ADAMTS13: variants seen among roughly 807,000 people sequenced by gnomAD.
ADAMTS13 encodes the protein ADAM metallopeptidase with thrombospondin type 1 motif 13.
In ADAMTS13, 110 loss-of-function variants were observed where a neutral mutation model predicts 155.1. The observed-to-expected ratio is 0.71, with a 90% CI of 0.61 to 0.83. The LOEUF (loss-of-function observed/expected upper bound fraction) is 0.83. ADAMTS13 is among the 40% of genes least tolerant of loss of function. ADAMTS13 has a pLI of 0.00. For missense variants in ADAMTS13, 1,707 were observed against 1,891.7 expected (o/e 0.90, Z 1.81); for synonymous variants, 758 against 756.4 (o/e 1.00, Z -0.03).
At chr9:133,414,876 C>G (rs1554781214) in intron 1 of ADAMTS13, 2 of 1,614,140 alleles carry the variant, frequency 1.2e-6, no homozygotes, top group Non-Finnish European at 1.7e-6. Context: ...TCTTTTCCTG[C>G]CGGCATCTCC....
Position 133,442,474 on chromosome 9 carries a change from C to T in ADAMTS13, c.2044C>T (p.Pro682Ser), listed in dbSNP as rs1841743931. Residue 682 changes from proline to serine, a missense_variant, in exon 17 of 29, where the codon CCA becomes TCA. Around this residue, in one of 3 missense-constraint regions of ADAMTS13, gnomAD observed 961 missense variants for 1,107.9 expected, o/e 0.87. Transcript: ENST00000355699. Reference protein sequence around the residue: ...DITFTYFQPKPRQAWVWAAVR... With the variant: ...DITFTYFQPKSRQAWVWAAVR... ...CACCTTCACCTACTTCCAGCCTAAG[C>T]CACGGCAGGCCTGGGTGTGGGCCGC... 6.2e-7 allele frequency: 1 copy of T among 1,613,808 alleles called. No individual in the cohort carries two copies. The highest frequency in any genetic ancestry group is 1.3e-5 in the African/African-American group (1 of 75,066).
intron 6 of ADAMTS13, among the ~76,000 whole-genome samples, chr9:133,428,066 C>A: frequency 6.6e-6 from 1 of 152,266 alleles, no homozygotes; most frequent in South Asian, 2.1e-4. Flanking sequence ...CCTACCTCAC[C>A]GGTGCCTGGC....
chr9:133,456,933 G>A lies in ADAMTS13; in HGVS notation c.3724+214G>A, dbSNP rs1157264964. The A allele has an allele frequency of 1.6e-5, 11 of 705,408 alleles. No homozygotes were observed. The highest frequency in any genetic ancestry group is 2.0e-5 in the Admixed American group (1 of 49,262). 43.7% of individuals were successfully genotyped at this position (705,408 alleles called of 1,614,324 possible). A position where few individuals can be genotyped will look rare whatever the true frequency, so the allele number is the denominator to read the frequency against. On this transcript the variant is annotated intron_variant, in intron 27 of 28. Transcript: ENST00000355699. The surrounding 1 kb of genome is among the most constrained non-coding windows in gnomAD (Gnocchi z 4.4). The stretch of plus-strand genomic sequence containing the variant: ...TGCTATATCCCTCCTTTTTGGGACC[G>A]TGCAGCAAGATGGACGGATGTGGGA...
At chr9:133,443,872 C>G (rs1830323742) in intron 19 of ADAMTS13, among the ~76,000 whole-genome samples, 1 of 152,118 alleles carries the variant, frequency 6.6e-6, no homozygotes, top group African/African-American at 2.4e-5. Flanking sequence ...GGAGATGTCA[C>G]TTTCTCATCA....
intron 11 of ADAMTS13, 79 bp downstream of exon 11, chr9:133,433,783 C>T (rs1470263702): frequency 4.6e-6 from 7 of 1,515,212 alleles, no homozygotes; most frequent in Non-Finnish European, 6.3e-6. Context: ...ATCTGTGGTT[C>T]ACACCAGGAC....
In ADAMTS13 at chr9:133,456,421, T is replaced by TA. The variant is rs1842745882; in HGVS notation, c.3548-121dup. 2 of 1,405,008 alleles carry TA rather than the reference T, an allele frequency of 1.4e-6. No homozygotes were observed. The highest frequency in any genetic ancestry group is 1.4e-5 in the African/African-American group (1 of 70,524). 87.0% of individuals were successfully genotyped at this position (1,405,008 alleles called of 1,614,324 possible). ...AGATTAAGTGATGTGCCCAGTTACT[T>TA]AGAGTCACATAGCCAGCAGTGGGAG... On this transcript the variant is annotated intron_variant, in intron 26 of 28. Coordinates refer to ENST00000355699, the MANE Select transcript of ADAMTS13 (RefSeq NM_139027.6). This position sits in a 1 kb window ranked among gnomAD's most constrained non-coding sequence, Gnocchi z 4.4.
Position 133,422,442 on chromosome 9 carries a change from G to A in ADAMTS13, c.-2G>A. 1 of 1,613,324 alleles carries A rather than the reference G, an allele frequency of 6.2e-7. No individual in the cohort carries two copies. Among genetic ancestry groups the A allele is most frequent in the Non-Finnish European group, 8.5e-7 (1 of 1,179,934 alleles). Reference sequence around the variant, plus strand: ...CCACTCCTCGGGCTGGCTCTCCTGAGGATGCACCAGCGTCACCCCCGGGCA... The same window carrying A: ...CCACTCCTCGGGCTGGCTCTCCTGAAGATGCACCAGCGTCACCCCCGGGCA... On this transcript the variant is annotated 5_prime_UTR_variant, in exon 1 of 29. Coordinates refer to ENST00000355699, the MANE Select transcript of ADAMTS13 (RefSeq NM_139027.6).
upstream of ADAMTS13, among the ~76,000 whole-genome samples, chr9:133,417,413 C>G (rs1212711246): frequency 6.6e-6 from 1 of 152,254 alleles, no homozygotes; most frequent in Non-Finnish European, 1.5e-5. Flanking sequence ...CTTTTTTGTA[C>G]TTGAAATAAT....
Position 133,441,294 on chromosome 9 carries a change from G to A in ADAMTS13, c.1968+769G>A, listed in dbSNP as rs932753765. 3.3e-5 allele frequency among the ~76,000 whole-genome samples: 5 copies of A among 151,976 alleles called. No individual in the cohort carries two copies. Among genetic ancestry groups the A allele is most frequent in the Admixed American group, 1.3e-4 (2 of 15,272 alleles). On this transcript the variant is annotated intron_variant, in intron 16 of 28. Transcript: ENST00000355699. The surrounding 1 kb of genome is among the most constrained non-coding windows in gnomAD (Gnocchi z 5.0). ...GGCCTCCCACAGATCAGGCCAGGCCGGGCCAAAGCAAGCCCCTGTGAGCGG... is the reference window on the plus strand; with the variant it reads ...GGCCTCCCACAGATCAGGCCAGGCCAGGCCAAAGCAAGCCCCTGTGAGCGG...
upstream of ADAMTS13, among the ~76,000 whole-genome samples, chr9:133,418,469 C>A (rs1195659983): frequency 1.3e-5 from 2 of 152,212 alleles, no homozygotes; most frequent in Non-Finnish European, 2.9e-5. Context: ...CACTCTGTAG[C>A]AGGACGAGCC....
intron 23 of ADAMTS13, among the ~76,000 whole-genome samples, chr9:133,451,964 G>C (rs192509022): frequency 6.7e-6 from 1 of 150,208 alleles, no homozygotes; most frequent in Admixed American, 6.6e-5. Context: ...TTTATTTGGA[G>C]TATGTTGCAA....
At position 133,458,025 on chromosome 9, in the gene ADAMTS13, G is replaced by T; in HGVS notation, c.3840G>T (p.Arg1280=). ...TCATTAATGTGGCTCCGCACGCACG[G>T]ATTGCCATCCATGCCCTGGCCACCA... ...RLFINVAPHA[R]IAIHALATNM... Residue 1280 remains arginine, a synonymous_variant, in exon 28 of 29, where the codon CGG becomes CGT. Transcript: ENST00000355699. 1 of 1,613,468 alleles carries T rather than the reference G, an allele frequency of 6.2e-7. No individual in the cohort carries two copies. Among genetic ancestry groups the T allele is most frequent in the Non-Finnish European group, 8.5e-7 (1 of 1,180,036 alleles).
At position 133,425,405 on chromosome 9, in the gene ADAMTS13, C is replaced by T. The variant is rs1840213474; in HGVS notation, c.331-124C>T. 4 of 780,200 alleles carry T rather than the reference C, an allele frequency of 5.1e-6. No homozygotes were observed. The highest frequency in any genetic ancestry group is 8.4e-6 in the Non-Finnish European group (4 of 475,294). 48.3% of individuals were successfully genotyped at this position (780,200 alleles called of 1,614,324 possible). On this transcript the variant is annotated intron_variant, in intron 3 of 28. Coordinates refer to ENST00000355699, the MANE Select transcript of ADAMTS13 (RefSeq NM_139027.6). The surrounding 1 kb of genome is among the most constrained non-coding windows in gnomAD (Gnocchi z 4.6). ...AGGAGCCCCCCGCCCCGCCCGGTTCCCACACATGCTGGTGGAGTAGCCTCT... is the reference window on the plus strand; with the variant it reads ...AGGAGCCCCCCGCCCCGCCCGGTTCTCACACATGCTGGTGGAGTAGCCTCT...
At chr9:133,436,715 C>A in intron 11 of ADAMTS13, 114 bp from the exon 12 acceptor site, 1 of 1,116,882 alleles carries the variant, frequency 9.0e-7, no homozygotes, top group Non-Finnish European at 1.3e-6. Context: ...CGGCCTGGAG[C>A]TGAGGCCACA....
Position 133,445,013 on chromosome 9 carries a change from G to T in ADAMTS13, c.2571G>T (p.Glu857Asp). The T allele has an allele frequency of 1.9e-6, 3 of 1,613,474 alleles. No homozygotes were observed. Among genetic ancestry groups the T allele is most frequent in the Non-Finnish European group, 1.7e-6 (2 of 1,180,014 alleles). The change falls in exon 20 of 29, where the codon GAG becomes GAT. Residue 857 changes from glutamate to aspartate, a missense_variant. Coordinates refer to ENST00000355699, the MANE Select transcript of ADAMTS13 (RefSeq NM_139027.6). This position sits in a 1 kb window ranked among gnomAD's most constrained non-coding sequence, Gnocchi z 5.0. Reference sequence around the variant, plus strand: ...TAGATGAGAAGCTGCCTGCCCCTGAGCCCTGTGTCGGGATGTCATGTCCTC... The same window carrying T: ...TAGATGAGAAGCTGCCTGCCCCTGATCCCTGTGTCGGGATGTCATGTCCTC... ...GSVDEKLPAP[E>D]PCVGMSCPPG...
rs782488785 is a variant in ADAMTS13, at chr9:133,456,105, C to T, written c.3437C>T (p.Thr1146Ile). ...CGRQHLEPTG[T>I]IDMRGPGQAD... The stretch of plus-strand genomic sequence containing the variant: ...AGGCAGCACCTTGAGCCAACAGGAA[C>T]CATTGACATGCGAGGCCCAGGGCAG... The change falls in exon 26 of 29, where the codon ACC becomes ATC. Residue 1146 changes from threonine to isoleucine, a missense_variant. By Grantham distance (89) the Thr-to-Ile change is moderately conservative. This residue lies in a region of ADAMTS13 where 961 missense variants were observed against 1,107.9 expected (regional missense o/e 0.87). Transcript: ENST00000355699. This position sits in a 1 kb window ranked among gnomAD's most constrained non-coding sequence, Gnocchi z 4.4. The T allele has an allele frequency of 6.2e-6, 10 of 1,613,186 alleles. No individual in the cohort carries two copies. In the African/African-American group the frequency reaches 1.2e-4, roughly 19 times the overall value.
chr9:133,426,228 G>C lies in ADAMTS13; in HGVS notation c.569G>C (p.Arg190Pro), dbSNP rs142152759. The change falls in exon 6 of 29, where the codon CGG becomes CCG. Residue 190 changes from arginine to proline, a missense_variant. Arg to Pro is a moderately radical substitution (Grantham distance 103, BLOSUM62 -2). Coordinates refer to ENST00000355699, the MANE Select transcript of ADAMTS13 (RefSeq NM_139027.6). ...RFDLELPDGN[R>P]QVRGVTQLGG... Reference sequence around the variant, plus strand: ...GACCTGGAGTTGCCTGATGGTAACCGGCAGGTGCGGGGCGTCACCCAGCTG... The same window carrying C: ...GACCTGGAGTTGCCTGATGGTAACCCGCAGGTGCGGGGCGTCACCCAGCTG... 2 of 1,613,518 alleles carry C rather than the reference G, an allele frequency of 1.2e-6. No individual in the cohort carries two copies. Among genetic ancestry groups the C allele is most frequent in the Non-Finnish European group, 1.7e-6 (2 of 1,179,992 alleles).
rs782172228 is a variant in ADAMTS13, at chr9:133,422,568, C to G, written c.105+20C>G. 1.9e-6 allele frequency: 3 copies of G among 1,612,482 alleles called. No individual in the cohort carries two copies. The highest frequency in any genetic ancestry group is 1.1e-5 in the South Asian group (1 of 91,032). ...CAGCAGGTGGGCTCATTTGCAGGAG[C>G]GGGGGTATTCTGGGAGCCTCTGGGT... On this transcript the variant is annotated intron_variant, in intron 1 of 28. Transcript: ENST00000355699.
chr9:133,443,589 A>G (rs1564430323), intron 19 of ADAMTS13, 28 bp downstream of exon 19: 2 of 1,520,702 alleles, frequency 1.3e-6, no homozygotes, highest in African/African-American at 2.8e-5. Flanking sequence ...TGGGGCTGGG[A>G]GAGGGCCTTC....
Sources: gnomAD v4.1 joint callset for allele counts (sites outside exome capture counted in the v4.1 genomes callset) on GRCh38, gnomAD v4.1.1 for gene constraint, gnomAD v4.1.1 regional missense constraint, Gnocchi (gnomAD v3.1) non-coding constraint, MANE v1.5 for transcripts, NCBI Gene and HGNC (gene_info 2026-07-23, HGNC 2026-07-21) for gene names.